The following RPTOR variants were observed in gnomAD, a reference collection of about 807,000 sequenced individuals.
RPTOR encodes regulatory associated protein of MTOR complex 1, also known as regulatory-associated protein of mTOR.
RPTOR carries 21 observed loss-of-function variants against 169.9 expected under a neutral mutation model. That is an observed-to-expected ratio of 0.12 (90% CI 0.09 to 0.18). The LOEUF (loss-of-function observed/expected upper bound fraction) is 0.18, where lower values mean the gene tolerates loss of function less well. Ranked by LOEUF, RPTOR falls within the 10% of genes least tolerant of loss-of-function variation. RPTOR has a pLI of 1.00. For synonymous variants in RPTOR, 732 were observed against 753.2 expected, an observed-to-expected ratio of 0.97 and a Z score of 0.46; for missense variants, 1,133 against 1,855.9, an observed-to-expected ratio of 0.61 and a Z score of 7.16.
chr17:80,952,298 G>A (rs940890777), intron 28 of RPTOR, among the ~76,000 whole-genome samples: 1 of 152,240 alleles, frequency 6.6e-6, no homozygotes, highest in African/African-American at 2.4e-5. Flanking sequence ...GAACGGCCAA[G>A]GGCTGAAGAC....
In RPTOR at chr17:80,754,235, G is replaced by C. The variant is rs564364245; in HGVS notation, c.830+50G>C. 1 of 1,520,422 alleles carries C rather than the reference G, an allele frequency of 6.6e-7. No individual in the cohort carries two copies. The allele number at this position is 1,520,422 out of a possible 1,614,324, so 94.2% of individuals were successfully genotyped here. On this transcript the variant is annotated intron_variant, in intron 6 of 33. Coordinates refer to ENST00000306801, the MANE Select transcript of RPTOR (RefSeq NM_020761.3). The surrounding 1 kb of genome is among the most constrained non-coding windows in gnomAD (Gnocchi z 4.2). Reference sequence around the variant, plus strand: ...GGGACCCACTCAACTGGGCTCTCCCGCAGGGACCCCAACCCATGTGGGCCC... The same window carrying C: ...GGGACCCACTCAACTGGGCTCTCCCCCAGGGACCCCAACCCATGTGGGCCC...
chr17:80,868,233 A>G (rs1041674071), intron 13 of RPTOR, among the ~76,000 whole-genome samples: 48 of 152,376 alleles, frequency 3.2e-4, no homozygotes, highest in African/African-American at 1.1e-3. Context: ...AAAAATCAAT[A>G]TGAAAACAAA....
At chr17:80,892,570 A>G (rs563036859) in intron 18 of RPTOR, among the ~76,000 whole-genome samples, 159 bp from the exon 19 acceptor site, 1 of 152,368 alleles carries the variant, frequency 6.6e-6, no homozygotes, top group South Asian at 2.1e-4. Flanking sequence ...GCCTCCGCTC[A>G]CGTCTGAGTC....
intron 6 of RPTOR, among the ~76,000 whole-genome samples, chr17:80,788,951 A>G (rs993896419): frequency 6.6e-6 from 1 of 152,260 alleles, no homozygotes; most frequent in African/African-American, 2.4e-5. Context: ...CAATTCTGGT[A>G]TAAAGAGAAT....
At position 80,685,614 on chromosome 17, in the gene RPTOR, T is replaced by TGGAA. The variant is rs1230312575; in HGVS notation, c.349-22227_349-22226insGGAA. Among the ~76,000 whole-genome samples, 67 of 21,566 alleles carry TGGAA rather than the reference T, an allele frequency of 3.1e-3. 3 individuals are homozygous for TGGAA. The highest frequency in any genetic ancestry group is 3.9e-3 in the South Asian group (2 of 518). The allele number at this position is 21,566 out of a possible 152,430, so 14.1% of individuals were successfully genotyped here. A position where few individuals can be genotyped will look rare whatever the true frequency, so the allele number is the denominator to read the frequency against. On this transcript the variant is annotated intron_variant, in intron 3 of 33. Transcript: ENST00000306801. Reference sequence around the variant, plus strand: ...TCAGGGCCATTTCCATATATATATATATATATATATATATTTTTTTTTTTT... The same window carrying TGGAA: ...TCAGGGCCATTTCCATATATATATATGGAAATATATATATATATTTTTTTTTTTT...
At chr17:80,605,164 C>T (rs574906946) in intron 1 of RPTOR, among the ~76,000 whole-genome samples, 8 of 152,100 alleles carry the variant, frequency 5.3e-5, no homozygotes, top group Non-Finnish European at 5.9e-5. Context: ...CCCTGGGGCT[C>T]GGGGCTTATG....
intron 9 of RPTOR, among the ~76,000 whole-genome samples, chr17:80,835,890 G>T (rs1386428096): frequency 6.6e-6 from 1 of 152,218 alleles, no homozygotes; most frequent in East Asian, 1.9e-4. Context: ...CTGTGGCTGT[G>T]CTGAGAGCGA....
chr17:80,782,451 C>T (rs1280075539), intron 6 of RPTOR, among the ~76,000 whole-genome samples: 1 of 152,012 alleles, frequency 6.6e-6, no homozygotes, highest in African/African-American at 2.4e-5. Flanking sequence ...AGCCATTCTA[C>T]ATCCCCGACA....
chr17:80,615,913 G>A (rs1047449284), intron 1 of RPTOR, among the ~76,000 whole-genome samples: 5 of 152,092 alleles, frequency 3.3e-5, no homozygotes, highest in South Asian at 2.1e-4. Flanking sequence ...CACCTCCCGC[G>A]TCTATTTGGA....
chr17:80,759,957 C>T (rs190419499), intron 6 of RPTOR, among the ~76,000 whole-genome samples: 4 of 152,262 alleles, frequency 2.6e-5, no homozygotes, highest in East Asian at 1.9e-4. Context: ...ACAGAATTTA[C>T]GATTTCATAT....
At chr17:80,892,616 T>C in intron 18 of RPTOR, 113 bp from the exon 19 acceptor site, 1 of 1,202,778 alleles carries the variant, frequency 8.3e-7, no homozygotes, top group Non-Finnish European at 1.2e-6. Flanking sequence ...TGACATTTGT[T>C]GCAGCACAGG....
At chr17:80,903,268 C>A (rs1182468087) in intron 20 of RPTOR, among the ~76,000 whole-genome samples, 1 of 152,240 alleles carries the variant, frequency 6.6e-6, no homozygotes, top group East Asian at 1.9e-4. Context: ...GCTCTCCACA[C>A]CTGAACACGG....
At chr17:80,719,045 G>A (rs559819206) in intron 4 of RPTOR, among the ~76,000 whole-genome samples, 24 of 152,330 alleles carry the variant, frequency 1.6e-4, no homozygotes, top group Middle Eastern at 3.4e-3. Flanking sequence ...GGCACCAGAA[G>A]CGAGAAGAAG....
intron 27 of RPTOR, among the ~76,000 whole-genome samples, chr17:80,948,245 G>A (rs1407054635): frequency 2.6e-5 from 4 of 152,248 alleles, no homozygotes; most frequent in Non-Finnish European, 5.9e-5. Context: ...TGACAAGTGC[G>A]CAGCCCTCTC....
At chr17:80,771,449 A>C (rs1211754399) in intron 6 of RPTOR, among the ~76,000 whole-genome samples, 1 of 152,116 alleles carries the variant, frequency 6.6e-6, no homozygotes, top group Non-Finnish European at 1.5e-5. Flanking sequence ...CTCATTGCCT[A>C]GTTCTTTCTC....
intron 6 of RPTOR, among the ~76,000 whole-genome samples, chr17:80,784,340 C>T (rs2143468074): frequency 6.6e-6 from 1 of 152,028 alleles, no homozygotes; most frequent in South Asian, 2.1e-4. Context: ...TTTTTTTTAA[C>T]CTGCTGGATT....
chr17:80,839,977 GA>G (rs2067609538), intron 10 of RPTOR, among the ~76,000 whole-genome samples: 1 of 152,178 alleles, frequency 6.6e-6, no homozygotes. Flanking sequence ...ACAAGCCGGG[GA>G]TAACTGACGT....
intron 17 of RPTOR, among the ~76,000 whole-genome samples, chr17:80,891,443 GA>G (rs1472407771): frequency 6.6e-6 from 1 of 152,150 alleles, no homozygotes; most frequent in Non-Finnish European, 1.5e-5. Context: ...GTGTCCTTAC[GA>G]GACCCCCGAT....
Position 80,892,886 on chromosome 17 carries a change from C to T in RPTOR, c.2242+17C>T, listed in dbSNP as rs746033153. ...CAGAGGAATGTAAGATCCTGGAAATCGGGTTATTGGATTGGGAGAGATTGG... is the reference window on the plus strand; with the variant it reads ...CAGAGGAATGTAAGATCCTGGAAATTGGGTTATTGGATTGGGAGAGATTGG... On this transcript the variant is annotated intron_variant, in intron 19 of 33. Coordinates refer to ENST00000306801, the MANE Select transcript of RPTOR (RefSeq NM_020761.3). The T allele has an allele frequency of 4.3e-6, 7 of 1,612,060 alleles. No individual in the cohort carries two copies. Among genetic ancestry groups the T allele is most frequent in the East Asian group, 4.5e-5 (2 of 44,852 alleles).
Sources: gnomAD v4.1 joint callset for allele counts (sites outside exome capture counted in the v4.1 genomes callset) on GRCh38, gnomAD v4.1.1 for gene constraint, Gnocchi (gnomAD v3.1) non-coding constraint, MANE v1.5 for transcripts, NCBI Gene and HGNC (gene_info 2026-07-23, HGNC 2026-07-21) for gene names.